Variants in CR1 observed in about 807,000 individuals in gnomAD.
The protein encoded by CR1 is complement receptor type 1.
A neutral mutation model predicts 187.3 loss-of-function variants in CR1; 116 were observed. The ratio of observed to expected loss-of-function variants is 0.62; its 90% CI spans 0.53 to 0.72. The LOEUF is 0.72. Ranked by LOEUF, CR1 falls within the 30% of genes least tolerant of loss-of-function variation. The pLI is 0.00. For synonymous variants in CR1, 576 were observed against 747.1 expected (o/e 0.77, Z 3.73); for missense variants, 1,731 against 2,110.7 (o/e 0.82, Z 3.52).
At chr1:207,524,629 T>A (rs900843668) in intron 5 of CR1, among the ~76,000 whole-genome samples, 1 of 151,962 alleles carries the variant, frequency 6.6e-6, no homozygotes, top group Non-Finnish European at 1.5e-5. Flanking sequence ...CTCAAGCAAT[T>A]CACCCACCTT....
chr1:207,499,925 A>G (rs1420838048), intron 1 of CR1, among the ~76,000 whole-genome samples: 1 of 152,210 alleles, frequency 6.6e-6, no homozygotes, highest in Non-Finnish European at 1.5e-5. Context: ...GATCCCAGTA[A>G]TAAAACCAAC....
chr1:207,544,933 T>C (rs1291765331), intron 13 of CR1, among the ~76,000 whole-genome samples: 1 of 59,220 alleles, frequency 1.7e-5, no homozygotes, highest in Non-Finnish European at 3.5e-5. Context: ...AAGACTAAAT[T>C]GGTGATGCCT....
rs564726657 is a variant in CR1, at chr1:207,497,264, T to A, written c.121+876T>A. 4.1e-4 allele frequency among the ~76,000 whole-genome samples: 62 copies of A among 152,334 alleles called. No homozygotes were observed. The South Asian group carries it at 5.2e-3, about 13-fold the overall frequency. On this transcript the variant is annotated intron_variant, in intron 1 of 46. Coordinates refer to ENST00000367049, the MANE Select transcript of CR1 (RefSeq NM_000651.6). ...GCCTATTATAATTATTATGGAAATT[T>A]TGAGGCCACATCTCTTCCTTTTTCT...
At chr1:207,616,398 G>A (rs537991658) in intron 40 of CR1, among the ~76,000 whole-genome samples, 177 bp from the exon 41 acceptor site, 3 of 152,238 alleles carry the variant, frequency 2.0e-5, no homozygotes, top group South Asian at 2.1e-4. Flanking sequence ...TGTAATTTAG[G>A]TCTCACTTCA....
At position 207,621,994 on chromosome 1, in the gene CR1, T is replaced by C. The variant is rs1307946458; in HGVS notation, c.7274T>C (p.Val2425Ala). 1.0e-5 allele frequency: 16 copies of C among 1,596,904 alleles called. No homozygotes were observed. The highest frequency in any genetic ancestry group is 1.3e-5 in the Non-Finnish European group (15 of 1,170,158). Residue 2425 changes from valine to alanine, a missense_variant and splice_region_variant, in exon 44 of 47, where the codon GTT (valine) becomes GCT (alanine). Val to Ala is a moderately conservative substitution (Grantham distance 64). Coordinates refer to ENST00000367049, the MANE Select transcript of CR1 (RefSeq NM_000651.6). ...CTSRTHDALIVGTLSGTIFFI... is the reference protein window; with the variant it reads ...CTSRTHDALIAGTLSGTIFFI... Reference sequence around the variant, plus strand: ...TTAGGTACACATGATGCTCTCATAGTTGGTAAGTTTTATGAAAGTTTTGCT... The same window carrying C: ...TTAGGTACACATGATGCTCTCATAGCTGGTAAGTTTTATGAAAGTTTTGCT...
intron 4 of CR1, among the ~76,000 whole-genome samples, chr1:207,521,308 T>C (rs541287311): frequency 6.6e-6 from 1 of 152,246 alleles, no homozygotes; most frequent in East Asian, 1.9e-4. Context: ...AATTTAATGA[T>C]GTCTTGCATC....
chr1:207,524,626 A>G (rs1370730934), intron 5 of CR1, among the ~76,000 whole-genome samples: 2 of 151,972 alleles, frequency 1.3e-5, no homozygotes, highest in African/African-American at 4.8e-5. Flanking sequence ...CAGCTCAAGC[A>G]ATTCACCCAC....
At chr1:207,618,320 C>A in intron 42 of CR1, 73 bp downstream of exon 42, 1 of 1,357,042 alleles carries the variant, frequency 7.4e-7, no homozygotes, top group Non-Finnish European at 1.0e-6. Context: ...GGCTGAGAGA[C>A]ATTGAAATGA....
intron 35 of CR1, among the ~76,000 whole-genome samples, chr1:207,589,454 A>G (rs1468060108): frequency 6.6e-6 from 1 of 152,202 alleles, no homozygotes; most frequent in Non-Finnish European, 1.5e-5. Flanking sequence ...CCCCATCCAA[A>G]GGTCACCAAC....
At chr1:207,583,811 A>T (rs1661030434) in intron 32 of CR1, among the ~76,000 whole-genome samples, 2 of 152,166 alleles carry the variant, frequency 1.3e-5, no homozygotes, top group Non-Finnish European at 2.9e-5. Context: ...ACCCTCATGA[A>T]CCCAACATAT....
chr1:207,565,949 G>T, intron 24 of CR1, 26 bp downstream of exon 24: 1 of 1,610,294 alleles, frequency 6.2e-7, no homozygotes, highest in Non-Finnish European at 8.5e-7. Flanking sequence ...AACATTTCAG[G>T]CCAATCTCTC....
intron 45 of CR1, 128 bp downstream of exon 45, chr1:207,623,196 C>T: frequency 6.1e-6 from 4 of 650,898 alleles, no homozygotes; most frequent in Admixed American, 2.8e-5. Context: ...TAAAGAAAGT[C>T]CTTGACACAC....
chr1:207,518,703 C>A (rs533611091), intron 4 of CR1, among the ~76,000 whole-genome samples: 1 of 152,176 alleles, frequency 6.6e-6, no homozygotes, highest in Non-Finnish European at 1.5e-5. Context: ...TCCATCTTCT[C>A]ATCGCCTTCT....
intron 32 of CR1, among the ~76,000 whole-genome samples, chr1:207,583,195 G>A (rs937445366): frequency 6.6e-6 from 1 of 152,200 alleles, no homozygotes; most frequent in South Asian, 2.1e-4. Flanking sequence ...GGAGGGTGAG[G>A]TGCCCTGGAA....
rs200987230 is a variant in CR1, at chr1:207,508,896, TTC to T, written c.401+2087_401+2088del. On this transcript the variant is annotated intron_variant, in intron 3 of 46. Coordinates refer to ENST00000367049, the MANE Select transcript of CR1 (RefSeq NM_000651.6). ...ATGGAAAATATAATCCTGCTAAAATTTCTCTGTCTCTGCCTATGTAAGTGATA... is the reference window on the plus strand; with the variant it reads ...ATGGAAAATATAATCCTGCTAAAATTTCTGTCTCTGCCTATGTAAGTGATA... Among the ~76,000 whole-genome samples the T allele has an allele frequency of 8.8e-3, 1,340 of 152,204 alleles. 93 individuals carry two copies. The East Asian group carries it at 0.17, about 19-fold the overall frequency.
intron 37 of CR1, among the ~76,000 whole-genome samples, chr1:207,611,093 A>G (rs1661917008): frequency 6.9e-6 from 1 of 144,892 alleles, no homozygotes; most frequent in Non-Finnish European, 1.5e-5. Context: ...CTCACCCCCT[A>G]TCCCCACGAT....
At chr1:207,606,061 A>T (rs1661741178) in intron 35 of CR1, 1 of 152,254 alleles carries the variant, frequency 6.6e-6, no homozygotes, top group Non-Finnish European at 1.5e-5. Context: ...GTTAAAAATC[A>T]CGAAAGTAGG....
intron 28 of CR1, among the ~76,000 whole-genome samples, chr1:207,575,920 G>GC (rs1461057300): frequency 1.3e-5 from 2 of 151,848 alleles, no homozygotes; most frequent in Non-Finnish European, 2.9e-5. Flanking sequence ...CATTTAACCA[G>GC]CCCCCAATGT....
chr1:207,595,309 A>G (rs1389576982), intron 35 of CR1, among the ~76,000 whole-genome samples: 1 of 152,156 alleles, frequency 6.6e-6, no homozygotes, highest in Non-Finnish European at 1.5e-5. Flanking sequence ...AAGCAGAATG[A>G]ATAGAAGCAT....
Sources: allele counts gnomAD v4.1 joint callset (sites outside exome capture counted in the v4.1 genomes callset), GRCh38; gene constraint gnomAD v4.1.1; transcripts MANE v1.5; gene names NCBI Gene and HGNC (gene_info 2026-07-23, HGNC 2026-07-21).